Variants in LRRC4C observed in about 807,000 individuals in gnomAD.
The protein encoded by LRRC4C is leucine rich repeat containing 4C.
Under a neutral mutation model 33.6 loss-of-function variants are expected in LRRC4C, and 5 were observed. The observed-to-expected ratio is 0.15, with a 90% confidence interval of 0.08 to 0.31. LRRC4C has a LOEUF of 0.31. LRRC4C is among the 10% of genes least tolerant of loss of function. The pLI is 1.00. For synonymous variants in LRRC4C, 329 were observed against 302.0 expected (o/e 1.09, Z -0.93); for missense variants, 560 against 796.7 (o/e 0.70, Z 3.58).
chr11:40,513,395 G>A (rs1304958223), intron 3 of LRRC4C, among the ~76,000 whole-genome samples: 2 of 152,088 alleles, frequency 1.3e-5, no homozygotes, highest in Non-Finnish European at 2.9e-5. Context: ...GGATAGATGA[G>A]AATAAGCTAC....
At chr11:40,558,164 C>T (rs1401162329) in intron 3 of LRRC4C, among the ~76,000 whole-genome samples, 1 of 152,136 alleles carries the variant, frequency 6.6e-6, no homozygotes, top group Non-Finnish European at 1.5e-5. Context: ...GGAATGCTAA[C>T]TAAAGAGCAT....
chr11:40,889,067 G>A (rs572898970), intron 2 of LRRC4C, among the ~76,000 whole-genome samples: 5 of 152,066 alleles, frequency 3.3e-5, no homozygotes, highest in African/African-American at 1.2e-4. Flanking sequence ...ATATAACCCA[G>A]CTATTCCACT....
At chr11:41,119,832 T>G (rs1286649313) in intron 1 of LRRC4C, among the ~76,000 whole-genome samples, 5 of 152,166 alleles carry the variant, frequency 3.3e-5, no homozygotes, top group Admixed American at 1.3e-4. Flanking sequence ...AAATAATGAT[T>G]TATGTATAGA....
At chr11:40,953,194 T>G (rs1958794748) in intron 1 of LRRC4C, among the ~76,000 whole-genome samples, 1 of 151,928 alleles carries the variant, frequency 6.6e-6, no homozygotes, top group Non-Finnish European at 1.5e-5. Context: ...GGACCCTATT[T>G]AGAAAATATA....
chr11:40,726,856 C>A (rs1328323525), intron 2 of LRRC4C, among the ~76,000 whole-genome samples: 1 of 152,004 alleles, frequency 6.6e-6, no homozygotes, highest in Non-Finnish European at 1.5e-5. Context: ...CTTTAAAAAC[C>A]CTAAAAACTC....
intron 3 of LRRC4C, among the ~76,000 whole-genome samples, chr11:40,519,487 A>C (rs1353550627): frequency 6.6e-6 from 1 of 152,162 alleles, no homozygotes; most frequent in East Asian, 1.9e-4. Context: ...TTCTAGCTTC[A>C]AACTTTTCTT....
At chr11:40,598,395 A>C (rs1429868435) in intron 3 of LRRC4C, among the ~76,000 whole-genome samples, 2 of 152,126 alleles carry the variant, frequency 1.3e-5, no homozygotes, top group Admixed American at 1.3e-4. Context: ...TTGAGGAAAA[A>C]ATTTATCCAA....
At chr11:40,829,888 C>A (rs11036092) in intron 2 of LRRC4C, among the ~76,000 whole-genome samples, 1 of 151,920 alleles carries the variant, frequency 6.6e-6, no homozygotes, top group Admixed American at 6.6e-5. Context: ...AACGCAGACA[C>A]AATGAGGTGT....
intron 3 of LRRC4C, among the ~76,000 whole-genome samples, chr11:40,356,588 C>T (rs1478669154): frequency 6.6e-6 from 1 of 152,074 alleles, no homozygotes; most frequent in Non-Finnish European, 1.5e-5. Context: ...ATTAGGTGAT[C>T]TCATTCTATT....
At chr11:40,991,293 T>C (rs1365819584) in intron 1 of LRRC4C, among the ~76,000 whole-genome samples, 1 of 151,806 alleles carries the variant, frequency 6.6e-6, no homozygotes, top group African/African-American at 2.4e-5. Flanking sequence ...TTGTCAACAT[T>C]TAAACCTGTA....
chr11:40,395,162 A>G (rs1268178215), intron 3 of LRRC4C, among the ~76,000 whole-genome samples: 2 of 152,146 alleles, frequency 1.3e-5, no homozygotes, highest in African/African-American at 4.8e-5. Context: ...TAAGGTATAA[A>G]ATGTGTATAG....
chr11:40,410,468 G>A (rs932269271), intron 3 of LRRC4C, among the ~76,000 whole-genome samples: 3 of 152,180 alleles, frequency 2.0e-5, no homozygotes, highest in South Asian at 2.1e-4. Flanking sequence ...AGCAGCTACC[G>A]TAATGAACAC....
intron 1 of LRRC4C, among the ~76,000 whole-genome samples, chr11:41,223,600 G>T (rs1947400904): frequency 6.6e-6 from 1 of 152,150 alleles, no homozygotes; most frequent in Admixed American, 6.6e-5. Context: ...CTCCCTACAT[G>T]CTCACATGCT....
At chr11:41,007,988 A>G (rs1854889971) in intron 1 of LRRC4C, among the ~76,000 whole-genome samples, 1 of 152,020 alleles carries the variant, frequency 6.6e-6, no homozygotes, top group Admixed American at 6.6e-5. Context: ...ATTTTCTTTC[A>G]TATCCCAGTA....
rs17480719 is a variant in LRRC4C, at chr11:40,304,540, T to C, written c.-176+15088A>G. On this transcript the variant is annotated intron_variant, in intron 4 of 6. Transcript: ENST00000528697. ...TTAACTAATAAAGTCAAGGTAAAAT[T>C]AGTTTTTCTTAGTATCTTTAACTTC... is the stretch of plus-strand genomic sequence containing the variant. Among the ~76,000 whole-genome samples the C allele has an allele frequency of 5.6e-3, 849 of 152,316 alleles. 2 individuals carry two copies. Among genetic ancestry groups the C allele is most frequent in the Non-Finnish European group, 8.2e-3 (561 of 68,020 alleles).
In LRRC4C at chr11:40,208,316, A is replaced by G. The variant is rs144564745; in HGVS notation, c.-96+33203T>C. 5.4e-3 allele frequency among the ~76,000 whole-genome samples: 823 copies of G among 152,258 alleles called. 9 individuals are homozygous for G. The highest frequency in any genetic ancestry group is 0.019 in the African/African-American group (798 of 41,540). On this transcript the variant is annotated intron_variant, in intron 5 of 6. Coordinates refer to ENST00000528697, the MANE Select transcript of LRRC4C (RefSeq NM_001258419.2). Reference sequence around the variant, plus strand: ...CAAAGTGATTTTTCCACTGGGAGGGAGGGAAGTCAATTGAAATTCTACTGG... The same window carrying G: ...CAAAGTGATTTTTCCACTGGGAGGGGGGGAAGTCAATTGAAATTCTACTGG...
At chr11:41,343,084 C>G (rs531555309) in intron 1 of LRRC4C, among the ~76,000 whole-genome samples, 19 of 152,308 alleles carry the variant, frequency 1.2e-4, no homozygotes, top group African/African-American at 4.6e-4. Context: ...AGGGCCCACC[C>G]AGTTAATCCA....
chr11:40,272,860 G>A (rs147331721), intron 4 of LRRC4C, among the ~76,000 whole-genome samples: 40 of 151,664 alleles, frequency 2.6e-4, no homozygotes, highest in African/African-American at 9.4e-4. Context: ...CCTGCAAAAT[G>A]GTAACTTGAT....
chr11:40,735,340 T>C (rs941411770), intron 2 of LRRC4C, among the ~76,000 whole-genome samples: 51 of 141,504 alleles, frequency 3.6e-4, no homozygotes, highest in African/African-American at 1.2e-3. Context: ...GTCCCCAGAG[T>C]GTGATGTTCC....
Sources: gnomAD v4.1 joint callset for allele counts (sites outside exome capture counted in the v4.1 genomes callset) on GRCh38, gnomAD v4.1.1 for gene constraint, MANE v1.5 for transcripts, NCBI Gene and HGNC (gene_info 2026-07-23, HGNC 2026-07-21) for gene names.